Variants in ACOT12 observed in about 807,000 individuals in gnomAD.
The protein encoded by ACOT12 is acyl-CoA thioesterase 12, also known as acetyl-coenzyme A thioesterase.
A neutral mutation model predicts 67.7 loss-of-function variants in ACOT12; 51 were observed. The ratio of observed to expected loss-of-function variants is 0.75; its 90% CI spans 0.60 to 0.95. ACOT12 has a LOEUF of 0.95. ACOT12 is among the 40% of genes least tolerant of loss of function. ACOT12 has a pLI of 0.00. For missense variants in ACOT12, 734 were observed against 708.1 expected, an observed-to-expected ratio of 1.04 and a Z score of -0.41; for synonymous variants, 251 against 244.6, an observed-to-expected ratio of 1.03 and a Z score of -0.24.
At chr5:81,358,716 G>C (rs1279769297) in intron 5 of ACOT12, among the ~76,000 whole-genome samples, 2 of 152,142 alleles carry the variant, frequency 1.3e-5, no homozygotes, top group African/African-American at 4.8e-5. Flanking sequence ...GGGCGTGGTG[G>C]CACGCGCCTA....
rs544898290 is a variant in ACOT12 at position 81,375,699 on chromosome 5, G to C, written c.198-3889C>G. 1.4e-4 allele frequency among the ~76,000 whole-genome samples: 22 copies of C among 151,752 alleles called. No homozygotes were observed. In the South Asian group the frequency reaches 2.1e-3, roughly 14 times the overall value. ...AAGCAGGGGTTGCATCCTAGTTTCT[G>C]ATAAAACAGACTTTAAACCAACAAA... On this transcript the variant is annotated intron_variant, in intron 2 of 14. Coordinates refer to ENST00000307624, the MANE Select transcript of ACOT12 (RefSeq NM_130767.3).
intron 13 of ACOT12, 145 bp from the exon 14 acceptor site, chr5:81,331,085 A>C: frequency 3.3e-6 from 3 of 917,952 alleles, no homozygotes; most frequent in Non-Finnish European, 4.6e-6. Flanking sequence ...TCTCATCAGA[A>C]AACACTCTAC....
chr5:81,326,429 T>G (rs1388184913), downstream of ACOT12, among the ~76,000 whole-genome samples: 1 of 151,890 alleles, frequency 6.6e-6, no homozygotes, highest in Non-Finnish European at 1.5e-5. Flanking sequence ...TGGCCAAGAG[T>G]CTTAATATTA....
chr5:81,311,417 A>T, the ACOT12 span: 1 of 911,694 alleles, frequency 1.1e-6, no homozygotes, highest in African/African-American at 1.7e-5. Flanking sequence ...CAATGACTTA[A>T]TCTCTGTCAG....
chr5:81,377,776 CAAGGGATGTG>C (rs1760463865), intron 2 of ACOT12, among the ~76,000 whole-genome samples: 1 of 152,168 alleles, frequency 6.6e-6, no homozygotes, highest in Non-Finnish European at 1.5e-5. Flanking sequence ...ATCCAACTTA[CAAGGGATGTG>C]AAGGACCTCT....
intron 2 of ACOT12, among the ~76,000 whole-genome samples, chr5:81,383,037 A>T (rs1760630593): frequency 6.6e-6 from 1 of 152,184 alleles, no homozygotes; most frequent in Admixed American, 6.5e-5. Context: ...TAATGACAGA[A>T]TGGTTGTAGT....
chr5:81,332,129 T>C (rs1031309491), intron 13 of ACOT12, among the ~76,000 whole-genome samples: 6 of 152,246 alleles, frequency 3.9e-5, no homozygotes, highest in African/African-American at 1.4e-4. Flanking sequence ...ATGTCTAGCA[T>C]AGTCAAGCCT....
the ACOT12 span, among the ~76,000 whole-genome samples, chr5:81,315,505 C>T: frequency 2.6e-5 from 4 of 152,180 alleles, no homozygotes; most frequent in Non-Finnish European, 4.4e-5. Flanking sequence ...GATTCTTGTT[C>T]ATTGCTATAT....
chr5:81,317,426 C>T, the ACOT12 span, among the ~76,000 whole-genome samples: 8 of 150,542 alleles, frequency 5.3e-5, no homozygotes, highest in Non-Finnish European at 1.0e-4. Context: ...CACTGGAACC[C>T]GGGAAGTGGA....
chr5:81,346,295 T>G (rs553350878), intron 6 of ACOT12, among the ~76,000 whole-genome samples: 2 of 152,312 alleles, frequency 1.3e-5, no homozygotes. Context: ...CCAATGCTTT[T>G]TGTTCTAATC....
At chr5:81,383,435 A>T (rs1359239732) in intron 2 of ACOT12, among the ~76,000 whole-genome samples, 1 of 152,244 alleles carries the variant, frequency 6.6e-6, no homozygotes, top group African/African-American at 2.4e-5. Context: ...ATTACAAGAA[A>T]TACAAAGGAC....
chr5:81,311,188 C>T, the ACOT12 span: 4 of 1,613,600 alleles, frequency 2.5e-6, no homozygotes, highest in African/African-American at 5.3e-5. Context: ...AGATGGTATT[C>T]AGTGGCTTTG....
In ACOT12 at chr5:81,385,836, A is replaced by G; in HGVS notation, c.128-10T>C. On this transcript the variant is annotated splice_polypyrimidine_tract_variant and intron_variant, in intron 1 of 14. Coordinates refer to ENST00000307624, the MANE Select transcript of ACOT12 (RefSeq NM_130767.3). ...CCAGCATGTTTCTCAGCTTCAAAAA[A>G]TACATAAAAATGTGCTGCTTTAGTG... The G allele has an allele frequency of 6.2e-7, 1 of 1,613,200 alleles. No homozygotes were observed. The highest frequency in any genetic ancestry group is 8.5e-7 in the Non-Finnish European group (1 of 1,179,400).
At chr5:81,338,032 C>T (rs549215644) in intron 11 of ACOT12, among the ~76,000 whole-genome samples, 1 of 152,258 alleles carries the variant, frequency 6.6e-6, no homozygotes, top group East Asian at 1.9e-4. Context: ...GTGAGGGTAG[C>T]AGAAAGTCCC....
rs1561338277 is a variant in ACOT12 at position 81,359,962 on chromosome 5, A to C, written c.437T>G (p.Val146Gly). The C allele has an allele frequency of 6.2e-7, 1 of 1,612,624 alleles. No individual in the cohort carries two copies. Among genetic ancestry groups the C allele is most frequent in the East Asian group, 2.2e-5 (1 of 44,758 alleles). The change falls in exon 5 of 15, where the codon GTT (valine) becomes GGT (glycine). Residue 146 changes from valine to glycine, a missense_variant. Physicochemically the swap from Val to Gly is moderately radical, Grantham distance 109 (BLOSUM62 -3). Transcript: ENST00000307624. ...AAAGGTATCTTCATGTTGTAATCGAACTTTCCTTCTCTCAGCAGCCAGATT... is the reference window on the plus strand; with the variant it reads ...AAAGGTATCTTCATGTTGTAATCGACCTTTCCTTCTCTCAGCAGCCAGATT... ...EHNLAAERRKVRLQHEDTFNN... is the reference protein window; with the variant it reads ...EHNLAAERRKGRLQHEDTFNN...
chr5:81,358,521 G>A (rs1005696568), intron 5 of ACOT12, among the ~76,000 whole-genome samples: 1 of 152,152 alleles, frequency 6.6e-6, no homozygotes, highest in Non-Finnish European at 1.5e-5. Flanking sequence ...TCTTAACACC[G>A]TCATTTAATG....
At chr5:81,351,414 C>T (rs1181784412) in intron 5 of ACOT12, among the ~76,000 whole-genome samples, 2 of 152,100 alleles carry the variant, frequency 1.3e-5, no homozygotes, top group African/African-American at 4.8e-5. Flanking sequence ...ACACATAGAC[C>T]AATGGAACAG....
chr5:81,341,658 G>C (rs1397139600), intron 11 of ACOT12, among the ~76,000 whole-genome samples: 1 of 152,168 alleles, frequency 6.6e-6, no homozygotes, highest in Admixed American at 6.5e-5. Context: ...TGGGTGTAGT[G>C]GTGAGCAGAT....
intron 1 of ACOT12, among the ~76,000 whole-genome samples, chr5:81,393,472 C>T (rs773424459): frequency 3.9e-5 from 6 of 152,072 alleles, no homozygotes; most frequent in Non-Finnish European, 5.9e-5. Context: ...CCTCCCAACA[C>T]TTCAGGATCA....
Sources: gnomAD v4.1 joint callset for allele counts (sites outside exome capture counted in the v4.1 genomes callset) on GRCh38, gnomAD v4.1.1 for gene constraint, MANE v1.5 for transcripts, NCBI Gene and HGNC (gene_info 2026-07-23, HGNC 2026-07-21) for gene names.